GALNT17: variants seen among roughly 807,000 people sequenced by gnomAD.
GALNT17 encodes the protein polypeptide N-acetylgalactosaminyltransferase 17.
GALNT17 carries 29 observed loss-of-function variants against 63.7 expected under a neutral mutation model. The ratio of observed to expected loss-of-function variants is 0.46; its 90% confidence interval spans 0.34 to 0.62. The LOEUF is 0.62. GALNT17 is among the 20% of genes least tolerant of loss of function. The probability of loss-of-function intolerance (pLI) is 0.01; values close to 1 mark genes in which losing one functional copy is unlikely to be tolerated. For synonymous variants in GALNT17, 305 were observed against 318.3 expected, an observed-to-expected ratio of 0.96 and a Z score of 0.45; for missense variants, 603 against 799.6, an observed-to-expected ratio of 0.75 and a Z score of 2.97.
chr7:71,246,697 C>T (rs536846304), intron 1 of GALNT17, among the ~76,000 whole-genome samples: 9 of 151,720 alleles, frequency 5.9e-5, no homozygotes, highest in South Asian at 4.2e-4. Context: ...GGGCATGTGG[C>T]GGGCGCCTGT....
chr7:71,614,654 C>T (rs1487444594), intron 6 of GALNT17, among the ~76,000 whole-genome samples: 1 of 138,596 alleles, frequency 7.2e-6, no homozygotes, highest in Non-Finnish European at 1.5e-5. Context: ...GACAAAGAGA[C>T]AGAGAGGAAG....
At chr7:71,192,398 CTTT>C (rs375394634) in intron 1 of GALNT17, among the ~76,000 whole-genome samples, 4 of 144,402 alleles carry the variant, frequency 2.8e-5, no homozygotes, top group African/African-American at 7.6e-5. Context: ...ATATTTAATT[CTTT>C]TTTTTTTTTT....
chr7:71,405,537 T>C (rs559496329), intron 3 of GALNT17, among the ~76,000 whole-genome samples: 106 of 152,278 alleles, frequency 7.0e-4, no homozygotes, highest in African/African-American at 2.4e-3. Context: ...ATACCGTAAC[T>C]ACTTTGTATC....
intron 1 of GALNT17, among the ~76,000 whole-genome samples, chr7:71,167,767 G>A (rs1160883054): frequency 6.6e-6 from 1 of 152,124 alleles, no homozygotes; most frequent in Non-Finnish European, 1.5e-5. Flanking sequence ...TTGGCTCACT[G>A]CAACCTCCAC....
intron 1 of GALNT17, among the ~76,000 whole-genome samples, chr7:71,258,292 A>G (rs970015228): frequency 6.6e-6 from 1 of 152,230 alleles, no homozygotes. Context: ...TGTTCACTGC[A>G]CTCAGTATTC....
chr7:71,223,537 C>T (rs759583036), intron 1 of GALNT17, among the ~76,000 whole-genome samples: 17 of 151,786 alleles, frequency 1.1e-4, no homozygotes, highest in Non-Finnish European at 1.9e-4. Flanking sequence ...TTTTCGAGCA[C>T]TTAACTTTTT....
intron 3 of GALNT17, among the ~76,000 whole-genome samples, chr7:71,415,216 T>G (rs1793503305): frequency 6.6e-6 from 1 of 152,176 alleles, no homozygotes; most frequent in Non-Finnish European, 1.5e-5. Flanking sequence ...TGAGTTGTGT[T>G]TCAGCTCTCC....
chr7:71,224,481 A>G (rs1322170968), intron 1 of GALNT17, among the ~76,000 whole-genome samples: 3 of 152,214 alleles, frequency 2.0e-5, no homozygotes, highest in Non-Finnish European at 4.4e-5. Flanking sequence ...GAGTGCTTCC[A>G]GTTCTCATCC....
chr7:71,140,023 C>A (rs549472891), intron 1 of GALNT17, among the ~76,000 whole-genome samples: 10 of 152,084 alleles, frequency 6.6e-5, no homozygotes, highest in African/African-American at 2.4e-4. Context: ...CACACCAAAA[C>A]CAAAAACAAA....
intron 6 of GALNT17, among the ~76,000 whole-genome samples, chr7:71,576,941 G>C (rs1562697806): frequency 2.6e-5 from 4 of 152,102 alleles, no homozygotes; most frequent in Admixed American, 1.3e-4. Flanking sequence ...TATTCGCAAT[G>C]GCAAAGACAT....
At chr7:71,650,396 T>C (rs1263503789) in intron 6 of GALNT17, among the ~76,000 whole-genome samples, 2 of 152,208 alleles carry the variant, frequency 1.3e-5, no homozygotes, top group Non-Finnish European at 2.9e-5. Flanking sequence ...ACTACAGGCA[T>C]GCAACACCAC....
At chr7:71,489,021 G>A (rs1354446033) in intron 5 of GALNT17, among the ~76,000 whole-genome samples, 1 of 132,244 alleles carries the variant, frequency 7.6e-6, no homozygotes, top group African/African-American at 2.9e-5. Flanking sequence ...AGCCTCCCAA[G>A]TACCTGGGAC....
At chr7:71,204,761 T>C (rs28803916) in intron 1 of GALNT17, among the ~76,000 whole-genome samples, 2,003 of 152,106 alleles carry the variant, frequency 0.013, 41 homozygotes, top group African/African-American at 0.046. Context: ...GTTTTTGTTT[T>C]TTGAAACAGA....
At chr7:71,319,682 C>T (rs80291448) in intron 1 of GALNT17, among the ~76,000 whole-genome samples, 6,680 of 152,262 alleles carry the variant, frequency 0.044, 285 homozygotes, top group African/African-American at 0.1. Flanking sequence ...CCCTTCATAA[C>T]CCAAGTCCCT....
intron 3 of GALNT17, among the ~76,000 whole-genome samples, chr7:71,403,537 A>G (rs1793275224): frequency 6.6e-6 from 1 of 152,186 alleles, no homozygotes; most frequent in South Asian, 2.1e-4. Context: ...TGCTAATAAG[A>G]GCTGCTATTG....
At chr7:71,403,549 T>C (rs1793275507) in intron 3 of GALNT17, among the ~76,000 whole-genome samples, 1 of 152,228 alleles carries the variant, frequency 6.6e-6, no homozygotes, top group Non-Finnish European at 1.5e-5. Context: ...CTGCTATTGA[T>C]AGAACACTCG....
At chr7:71,235,434 G>A (rs1043273164) in intron 1 of GALNT17, among the ~76,000 whole-genome samples, 2 of 152,026 alleles carry the variant, frequency 1.3e-5, no homozygotes, top group East Asian at 1.9e-4. Flanking sequence ...GGAGTGACTC[G>A]GATAGAATTA....
intron 2 of GALNT17, among the ~76,000 whole-genome samples, chr7:71,378,598 G>A (rs924551257): frequency 6.6e-6 from 1 of 152,184 alleles, no homozygotes; most frequent in African/African-American, 2.4e-5. Context: ...TTGATCATAA[G>A]AGAAGCAGAG....
chr7:71,476,399 G>A (rs535564552), intron 5 of GALNT17, among the ~76,000 whole-genome samples: 1 of 151,968 alleles, frequency 6.6e-6, no homozygotes, highest in Admixed American at 6.6e-5. Flanking sequence ...TTCAGTGAAC[G>A]AATATCCCGG....
Sources: allele counts gnomAD v4.1 joint callset (sites outside exome capture counted in the v4.1 genomes callset), GRCh38; gene constraint gnomAD v4.1.1; transcripts MANE v1.5; gene names NCBI Gene and HGNC (gene_info 2026-07-23, HGNC 2026-07-21).